Variants in CLMN observed in about 807,000 individuals in gnomAD.
CLMN encodes the protein calmin (calponin-like, transmembrane).
In CLMN, 57 loss-of-function variants were observed where a neutral mutation model predicts 92.7. That is an observed-to-expected ratio of 0.61 (90% CI 0.50 to 0.77). CLMN has a LOEUF of 0.77. Ranked by LOEUF, CLMN falls within the 30% of genes least tolerant of loss-of-function variation. CLMN has a pLI of 0.00. For synonymous variants in CLMN, 466 were observed against 470.6 expected (o/e 0.99, Z 0.13); for missense variants, 1,158 against 1,237.5 (o/e 0.94, Z 0.96).
chr14:95,292,975 C>A (rs1485118072), intron 1 of CLMN, among the ~76,000 whole-genome samples: 2 of 152,092 alleles, frequency 1.3e-5, no homozygotes, highest in East Asian at 1.9e-4. Flanking sequence ...TGACACAGAG[C>A]AGAATGCAAT....
intron 8 of CLMN, among the ~76,000 whole-genome samples, chr14:95,204,669 C>T (rs922540846): frequency 6.6e-6 from 1 of 152,120 alleles, no homozygotes; most frequent in African/African-American, 2.4e-5. Context: ...ACTCTTGTTC[C>T]TGCTGAAATA....
At chr14:95,279,651 C>T (rs1174389429) in intron 1 of CLMN, among the ~76,000 whole-genome samples, 3 of 152,192 alleles carry the variant, frequency 2.0e-5, no homozygotes, top group Non-Finnish European at 2.9e-5. Flanking sequence ...GACGTGGTGG[C>T]GGGCACCTGT....
chr14:95,314,929 T>G (rs530271861), intron 1 of CLMN, among the ~76,000 whole-genome samples: 3 of 152,130 alleles, frequency 2.0e-5, no homozygotes, highest in Admixed American at 2.0e-4. Context: ...TTTCTTTGGG[T>G]TTTTATATAG....
At chr14:95,195,825 C>T (rs1216205544) in intron 10 of CLMN, among the ~76,000 whole-genome samples, 1 of 152,008 alleles carries the variant, frequency 6.6e-6, no homozygotes, top group Non-Finnish European at 1.5e-5. Flanking sequence ...AGGGGAGAGA[C>T]CAGGGTCTTC....
At chr14:95,298,228 T>C (rs559762292) in intron 1 of CLMN, among the ~76,000 whole-genome samples, 120 of 151,356 alleles carry the variant, frequency 7.9e-4, no homozygotes, top group African/African-American at 2.9e-3. Context: ...TCCCCCCCAA[T>C]AGATTTTATA....
chr14:95,236,820 C>T (rs1247241847), intron 1 of CLMN, among the ~76,000 whole-genome samples: 2 of 152,154 alleles, frequency 1.3e-5, no homozygotes, highest in East Asian at 3.9e-4. Flanking sequence ...GTACCCACTT[C>T]ATGAGGTTGT....
intron 1 of CLMN, among the ~76,000 whole-genome samples, chr14:95,308,153 C>T (rs971538083): frequency 6.6e-6 from 1 of 152,142 alleles, no homozygotes. Flanking sequence ...TGAGATCCAC[C>T]CCGGGGAATC....
chr14:95,247,390 T>A (rs970630863), intron 1 of CLMN, among the ~76,000 whole-genome samples: 1 of 152,208 alleles, frequency 6.6e-6, no homozygotes, highest in Non-Finnish European at 1.5e-5. Context: ...AGGTGCTGCA[T>A]CTGATTGGCC....
chr14:95,264,168 T>C (rs145004244), intron 1 of CLMN, among the ~76,000 whole-genome samples: 4,011 of 152,060 alleles, frequency 0.026, 196 homozygotes, highest in African/African-American at 0.093. Context: ...GCCTCCTGAG[T>C]AGCTGGAACT....
At chr14:95,237,316 C>T (rs1314823308) in intron 1 of CLMN, among the ~76,000 whole-genome samples, 1 of 152,250 alleles carries the variant, frequency 6.6e-6, no homozygotes, top group Non-Finnish European at 1.5e-5. Context: ...GTAGACCCGG[C>T]ACCTGCAGAG....
chr14:95,202,769 A>C (rs1233970710), intron 9 of CLMN, 69 bp downstream of exon 9: 1 of 1,439,272 alleles, frequency 6.9e-7, no homozygotes, highest in East Asian at 2.4e-5. Flanking sequence ...CAAGAAGCTG[A>C]GCTTCAGACA....
At chr14:95,310,195 C>T (rs964456936) in intron 1 of CLMN, among the ~76,000 whole-genome samples, 1 of 152,210 alleles carries the variant, frequency 6.6e-6, no homozygotes, top group African/African-American at 2.4e-5. Context: ...CCTGAACAGC[C>T]TGCAGAACCA....
At position 95,319,761 on chromosome 14, in the gene CLMN, C is replaced by A; in HGVS notation, c.32G>T (p.Arg11Leu). The change falls in exon 1 of 13, where the codon CGC becomes CTC. Residue 11 changes from arginine to leucine, a missense_variant. Arg to Leu is a moderately radical substitution (Grantham distance 102). Coordinates refer to ENST00000298912, the MANE Select transcript of CLMN (RefSeq NM_024734.4). The stretch of plus-strand genomic sequence containing the variant: ...GCTAATCTGCCCGATGAGCTCCTCG[C>A]GTTGGAACCAGTCCCACTCGTGTGC... MAAHEWDWFQ[R>L]EELIGQISDI... The A allele has an allele frequency of 6.3e-7, 1 of 1,596,714 alleles. No individual in the cohort carries two copies. The highest frequency in any genetic ancestry group is 8.5e-7 in the Non-Finnish European group (1 of 1,175,574).
At position 95,256,419 on chromosome 14, in the gene CLMN, T is replaced by C. The variant is rs115476612; in HGVS notation, c.83-26286A>G. On this transcript the variant is annotated intron_variant, in intron 1 of 12. Coordinates refer to ENST00000298912, the MANE Select transcript of CLMN (RefSeq NM_024734.4). This position sits in a 1 kb window ranked among gnomAD's most constrained non-coding sequence, Gnocchi z 4.9. ...AACGACACTGTGACTCAACAGATAATTGCAGTGCTTGACACTGAGAAGCAC... is the reference window on the plus strand; with the variant it reads ...AACGACACTGTGACTCAACAGATAACTGCAGTGCTTGACACTGAGAAGCAC... Among the ~76,000 whole-genome samples, 51 of 152,328 alleles carry C rather than the reference T, an allele frequency of 3.3e-4. No individual in the cohort carries two copies. Among genetic ancestry groups the C allele is most frequent in the African/African-American group, 1.2e-3 (50 of 41,586 alleles).
chr14:95,217,472 C>T (rs539761535), intron 4 of CLMN, among the ~76,000 whole-genome samples: 2 of 152,318 alleles, frequency 1.3e-5, no homozygotes, highest in Admixed American at 1.3e-4. Context: ...ACAACACAGG[C>T]TCATCACTGG....
At chr14:95,211,986 C>A (rs941029831) in intron 6 of CLMN, among the ~76,000 whole-genome samples, 6 of 152,180 alleles carry the variant, frequency 3.9e-5, no homozygotes, top group African/African-American at 1.4e-4. Context: ...CATCACACCC[C>A]CCTTCTACCC....
rs143547251 is a variant in CLMN at position 95,198,738 on chromosome 14, C to T, written c.2512-2044G>A. Reference sequence around the variant, plus strand: ...CTGCAACCCAGGGCTCTTTCAGCCACACCGCAAATCACCTGTCCAAGTGCT... The same window carrying T: ...CTGCAACCCAGGGCTCTTTCAGCCATACCGCAAATCACCTGTCCAAGTGCT... On this transcript the variant is annotated intron_variant, in intron 9 of 12. Coordinates refer to ENST00000298912, the MANE Select transcript of CLMN (RefSeq NM_024734.4). Among the ~76,000 whole-genome samples the T allele has an allele frequency of 1.4e-3, 219 of 152,262 alleles. 3 individuals are homozygous for T. The highest frequency in any genetic ancestry group is 4.9e-3 in the African/African-American group (205 of 41,548).
At position 95,204,345 on chromosome 14, in the gene CLMN, G is replaced by T; in HGVS notation, c.1004C>A (p.Thr335Asn). 1 of 1,614,034 alleles carries T rather than the reference G, an allele frequency of 6.2e-7. No individual in the cohort carries two copies. The highest frequency in any genetic ancestry group is 8.5e-7 in the Non-Finnish European group (1 of 1,180,018). Reference sequence around the variant, plus strand: ...GCTGGTTTCATGGTTAACAGTGTAGGTACGCTCCCCATTTTCAGTCAGAAC... The same window carrying T: ...GCTGGTTTCATGGTTAACAGTGTAGTTACGCTCCCCATTTTCAGTCAGAAC... ...VFVLTENGER[T>N]YTVNHETSHP... is the part of the protein sequence containing the mutation. The change falls in exon 9 of 13, where the codon ACC (threonine) becomes AAC (asparagine). Residue 335 changes from threonine to asparagine, a missense_variant. Coordinates refer to ENST00000298912, the MANE Select transcript of CLMN (RefSeq NM_024734.4).
intron 1 of CLMN, among the ~76,000 whole-genome samples, chr14:95,317,615 G>T (rs1901846679): frequency 6.6e-6 from 1 of 151,200 alleles, no homozygotes; most frequent in Non-Finnish European, 1.5e-5. Context: ...AAAAAAAAAG[G>T]CCAGAGTACA....
Sources: gnomAD v4.1 joint callset for allele counts (sites outside exome capture counted in the v4.1 genomes callset) on GRCh38, gnomAD v4.1.1 for gene constraint, Gnocchi (gnomAD v3.1) non-coding constraint, MANE v1.5 for transcripts, NCBI Gene and HGNC (gene_info 2026-07-23, HGNC 2026-07-21) for gene names.